Variants in CHODL observed in about 807,000 individuals in gnomAD.
The protein encoded by CHODL is transmembrane protein MT75.
Under a neutral mutation model 34.5 loss-of-function variants are expected in CHODL, and 29 were observed. The observed-to-expected ratio is 0.84, with a 90% CI of 0.63 to 1.15. The LOEUF is 1.15. Ranked by LOEUF, CHODL falls within the 50% of genes most tolerant of loss-of-function variation. The pLI, the probability that CHODL is intolerant of heterozygous loss-of-function variation, is 0.00. For missense variants in CHODL, 332 were observed against 332.5 expected, an observed-to-expected ratio of 1.00 and a Z score of 0.01; for synonymous variants, 125 against 116.1, an observed-to-expected ratio of 1.08 and a Z score of -0.49.
intron 2 of CHODL, among the ~76,000 whole-genome samples, chr21:18,144,752 T>A (rs757680707): frequency 3.0e-4 from 46 of 152,066 alleles, no homozygotes; most frequent in Non-Finnish European, 5.9e-4. Flanking sequence ...AAGAAGATTT[T>A]AAAATTTTTC....
chr21:18,181,679 C>A (rs952366644), intron 2 of CHODL, among the ~76,000 whole-genome samples: 13 of 152,280 alleles, frequency 8.5e-5, no homozygotes, highest in African/African-American at 2.9e-4. Flanking sequence ...CGTGAGCCAC[C>A]GCGCCCAGCC....
intron 1 of CHODL, among the ~76,000 whole-genome samples, chr21:17,934,957 G>C (rs1039356210): frequency 5.9e-5 from 9 of 152,168 alleles, no homozygotes; most frequent in Non-Finnish European, 1.3e-4. Flanking sequence ...CAGTGCTAAG[G>C]GGAACAAAAA....
At chr21:18,262,662 G>C in intron 4 of CHODL, 129 bp from the exon 5 acceptor site, 1 of 610,590 alleles carries the variant, frequency 1.6e-6, no homozygotes, top group South Asian at 2.0e-5. Flanking sequence ...TCAATATTTT[G>C]AGAAGAACTT....
At position 17,997,799 on chromosome 21, in the gene CHODL, C is replaced by A. The variant is rs150978613; in HGVS notation, c.-144-30073C>A. The stretch of plus-strand genomic sequence containing the variant: ...GCCTCCATGATTCAATTATCTCCCC[C>A]ACCCCTCCAGCCCCTCCCACAACAC... On this transcript the variant is annotated intron_variant, in intron 1 of 6. Coordinates refer to the CHODL transcript ENST00000400127. 5.5e-3 allele frequency among the ~76,000 whole-genome samples: 840 copies of A among 152,272 alleles called. 8 individuals carry two copies. Among genetic ancestry groups the A allele is most frequent in the African/African-American group, 0.013 (551 of 41,542 alleles).
intron 2 of CHODL, among the ~76,000 whole-genome samples, chr21:18,127,672 GTTTTTTTTTTTTTTTT>G (rs71318127): frequency 1.0e-4 from 7 of 70,046 alleles, no homozygotes; most frequent in Admixed American, 1.9e-4. Flanking sequence ...CGTTGCCATT[GTTTTTTTTTTTTTTTT>G]TTTTTTTTTT....
chr21:18,218,064 A>G (rs2073847829), intron 2 of CHODL, among the ~76,000 whole-genome samples: 1 of 152,162 alleles, frequency 6.6e-6, no homozygotes, highest in African/African-American at 2.4e-5. Context: ...TTTTCCAGGT[A>G]CACTGTGCAA....
At chr21:18,247,581 A>G (rs1301620131) in intron 1 of CHODL, among the ~76,000 whole-genome samples, 2 of 152,280 alleles carry the variant, frequency 1.3e-5, no homozygotes, top group Admixed American at 1.3e-4. Context: ...CAACTTCGTC[A>G]TCGTAATCTG....
upstream of CHODL, among the ~76,000 whole-genome samples, chr21:18,244,263 A>C (rs1242199955): frequency 6.6e-6 from 1 of 152,240 alleles, no homozygotes; most frequent in Non-Finnish European, 1.5e-5. Context: ...AAACACTGAG[A>C]GTGAAATCAG....
chr21:18,226,941 A>T (rs1324124901), intron 2 of CHODL, among the ~76,000 whole-genome samples: 1 of 152,158 alleles, frequency 6.6e-6, no homozygotes, highest in Non-Finnish European at 1.5e-5. Flanking sequence ...TAGCTGTCTT[A>T]GTCCATTCCG....
At chr21:17,952,744 G>A (rs2146343516) in intron 1 of CHODL, among the ~76,000 whole-genome samples, 1 of 152,174 alleles carries the variant, frequency 6.6e-6, no homozygotes. Flanking sequence ...TTAAAGCAAG[G>A]TATTTGTCCA....
intron 2 of CHODL, among the ~76,000 whole-genome samples, chr21:18,214,972 C>A (rs945222551): frequency 6.6e-6 from 1 of 151,816 alleles, no homozygotes; most frequent in African/African-American, 2.4e-5. Flanking sequence ...AAATGGTAAA[C>A]CAAAATGATA....
At chr21:17,975,314 G>A (rs1489335258) in intron 1 of CHODL, among the ~76,000 whole-genome samples, 4 of 152,004 alleles carry the variant, frequency 2.6e-5, no homozygotes, top group Non-Finnish European at 5.9e-5. Flanking sequence ...AGGAGGGAGA[G>A]GATTGAAAAA....
intron 1 of CHODL, among the ~76,000 whole-genome samples, chr21:17,957,442 A>G (rs2063501195): frequency 6.6e-6 from 1 of 151,910 alleles, no homozygotes; most frequent in African/African-American, 2.4e-5. Flanking sequence ...TTGTATCTTC[A>G]CCTCTATTCT....
intron 2 of CHODL, among the ~76,000 whole-genome samples, chr21:18,102,599 CA>C: frequency 6.6e-6 from 1 of 152,166 alleles, no homozygotes; most frequent in South Asian, 2.1e-4. Context: ...TGCTGTTTAA[CA>C]AAAAATCACT....
chr21:18,191,947 A>T (rs931753821), intron 2 of CHODL, among the ~76,000 whole-genome samples: 2 of 152,190 alleles, frequency 1.3e-5, no homozygotes, highest in African/African-American at 4.8e-5. Flanking sequence ...TGAGTGTTTA[A>T]AAAAGGAAAC....
intron 2 of CHODL, among the ~76,000 whole-genome samples, chr21:18,109,274 T>A (rs1318436059): frequency 6.6e-6 from 1 of 152,192 alleles, no homozygotes; most frequent in Non-Finnish European, 1.5e-5. Flanking sequence ...TCCCTTCATC[T>A]CGCCACAGAA....
Position 17,947,532 on chromosome 21 carries a change from A to AAC in CHODL, c.-145+30142_-145+30143dup, listed in dbSNP as rs1003512511. On this transcript the variant is annotated intron_variant, in intron 1 of 6. Coordinates refer to the CHODL transcript ENST00000400127. Reference sequence around the variant, plus strand: ...CTACAAGAAATTCAACCTAATAAGAAACACACACACAGACACACACACACA... The same window carrying AAC: ...CTACAAGAAATTCAACCTAATAAGAAACACACACACACAGACACACACACACA... 2.4e-3 allele frequency among the ~76,000 whole-genome samples: 257 copies of AAC among 106,842 alleles called. 1 individual carries two copies. The highest frequency in any genetic ancestry group is 8.3e-3 in the African/African-American group (245 of 29,352). The allele number at this position is 106,842 out of a possible 152,430, so 70.1% of individuals were successfully genotyped here.
intron 1 of CHODL, among the ~76,000 whole-genome samples, chr21:18,252,234 AAC>A (rs1462957923): frequency 3.3e-5 from 5 of 152,170 alleles, no homozygotes. Context: ...AGTGTAATAG[AAC>A]CCGTTATATG....
At chr21:18,212,260 T>A (rs139747474) in intron 2 of CHODL, among the ~76,000 whole-genome samples, 209 of 152,294 alleles carry the variant, frequency 1.4e-3, no homozygotes, top group African/African-American at 4.7e-3. Flanking sequence ...TTAATAGCAA[T>A]TTTGATGTCT....
Sources: allele counts gnomAD v4.1 joint callset (sites outside exome capture counted in the v4.1 genomes callset), GRCh38; gene constraint gnomAD v4.1.1; transcripts MANE v1.5; gene names NCBI Gene and HGNC (gene_info 2026-07-23, HGNC 2026-07-21).